GAS7: variants seen among roughly 807,000 people sequenced by gnomAD.
GAS7 encodes the protein growth arrest-specific protein 7.
A neutral mutation model predicts 71.1 loss-of-function variants in GAS7; 28 were observed. The observed-to-expected ratio is 0.39, with a 90% CI of 0.29 to 0.54. The LOEUF is 0.54. GAS7 is among the 20% of genes least tolerant of loss of function. The probability of loss-of-function intolerance (pLI) is 0.62; values close to 1 mark genes in which losing one functional copy is unlikely to be tolerated. For missense variants in GAS7, 436 were observed against 627.8 expected (o/e 0.69, Z 3.27); for synonymous variants, 258 against 245.8 (o/e 1.05, Z -0.46).
intron 2 of GAS7, among the ~76,000 whole-genome samples, chr17:9,988,248 C>T (rs1220554092): frequency 1.3e-5 from 2 of 152,302 alleles, no homozygotes; most frequent in African/African-American, 4.8e-5. Context: ...GAGGGTCTGC[C>T]TAGCTATGGC....
chr17:9,988,244 C>T (rs545460166), intron 2 of GAS7, among the ~76,000 whole-genome samples: 2 of 152,344 alleles, frequency 1.3e-5, no homozygotes, highest in East Asian at 3.9e-4. Context: ...CAAGGAGGGT[C>T]TGCCTAGCTA....
intron 2 of GAS7, among the ~76,000 whole-genome samples, chr17:10,005,318 CATAT>C (rs147127115): frequency 2.0e-5 from 3 of 150,352 alleles, no homozygotes; most frequent in South Asian, 2.1e-4. Context: ...TATACACACA[CATAT>C]ATATATACAC....
At chr17:10,063,460 A>G (rs776972117) in intron 1 of GAS7, among the ~76,000 whole-genome samples, 1 of 152,186 alleles carries the variant, frequency 6.6e-6, no homozygotes, top group Non-Finnish European at 1.5e-5. Flanking sequence ...CTCTGCTCCA[A>G]AGCAGAGAAG....
At chr17:10,115,529 A>G (rs1215783251) in intron 1 of GAS7, among the ~76,000 whole-genome samples, 1 of 152,130 alleles carries the variant, frequency 6.6e-6, no homozygotes, top group Non-Finnish European at 1.5e-5. Context: ...CCGGGGAAGC[A>G]CACCTCAGCA....
At chr17:10,165,697 A>G (rs2074288935) in intron 1 of GAS7, among the ~76,000 whole-genome samples, 1 of 152,170 alleles carries the variant, frequency 6.6e-6, no homozygotes, top group African/African-American at 2.4e-5. Flanking sequence ...TTTTTACACC[A>G]TACTTACCCC....
intron 1 of GAS7, among the ~76,000 whole-genome samples, chr17:10,088,310 G>A (rs2073544032): frequency 6.6e-6 from 1 of 151,742 alleles, no homozygotes; most frequent in Non-Finnish European, 1.5e-5. Flanking sequence ...CTCTGTTAGG[G>A]GTACCACTGG....
chr17:10,047,663 G>A (rs1451245851), intron 1 of GAS7, among the ~76,000 whole-genome samples: 1 of 151,984 alleles, frequency 6.6e-6, no homozygotes, highest in Non-Finnish European at 1.5e-5. Context: ...AAGAGGAACA[G>A]CAAATCATAA....
chr17:10,180,329 C>T (rs1470968140), intron 1 of GAS7, among the ~76,000 whole-genome samples: 2 of 85,684 alleles, frequency 2.3e-5, no homozygotes, highest in African/African-American at 9.6e-5. Flanking sequence ...AAAACTCTGC[C>T]TCAAAAAAAA....
At chr17:10,088,367 A>G (rs1020090841) in intron 1 of GAS7, among the ~76,000 whole-genome samples, 2 of 151,888 alleles carry the variant, frequency 1.3e-5, no homozygotes, top group African/African-American at 2.4e-5. Context: ...CAGGTACAAA[A>G]CCCCAGGCAG....
chr17:10,051,575 A>C (rs1237995459), intron 1 of GAS7, among the ~76,000 whole-genome samples: 2 of 152,210 alleles, frequency 1.3e-5, no homozygotes, highest in Admixed American at 6.5e-5. Context: ...CCTGCCAGTA[A>C]AACTCACAGG....
At chr17:10,013,823 T>C (rs796435769) in intron 2 of GAS7, among the ~76,000 whole-genome samples, 1 of 152,212 alleles carries the variant, frequency 6.6e-6, no homozygotes, top group Non-Finnish European at 1.5e-5. Context: ...CTGGATTCCT[T>C]GTATCTCTGA....
chr17:9,959,479 C>A lies in GAS7; in HGVS notation c.472-224G>T. The A allele has an allele frequency of 2.1e-6, 3 of 1,418,062 alleles. No homozygotes were observed. The highest frequency in any genetic ancestry group is 2.8e-6 in the Non-Finnish European group (3 of 1,088,684). The allele number at this position is 1,418,062 out of a possible 1,614,324, so 87.8% of individuals were successfully genotyped here. A position where few individuals can be genotyped will look rare whatever the true frequency, so the allele number is the denominator to read the frequency against. ...AGGCGAATTAAGGAAGCCTCCTGCA[C>A]AGGCTCTGAGAGAACTGCTCCAAAC... On this transcript the variant is annotated intron_variant, in intron 4 of 13. Coordinates refer to ENST00000432992, the MANE Select transcript of GAS7 (RefSeq NM_201433.2). The surrounding 1 kb of genome is among the most constrained non-coding windows in gnomAD (Gnocchi z 5.0).
At chr17:10,180,637 T>C (rs550370788) in intron 1 of GAS7, among the ~76,000 whole-genome samples, 7 of 152,308 alleles carry the variant, frequency 4.6e-5, no homozygotes, top group African/African-American at 1.7e-4. Flanking sequence ...TCTGAGTTAT[T>C]TGCCCTGCAG....
At chr17:9,965,654 A>G (rs936913611) in intron 4 of GAS7, among the ~76,000 whole-genome samples, 4 of 152,210 alleles carry the variant, frequency 2.6e-5, no homozygotes, top group African/African-American at 9.7e-5. Flanking sequence ...CGTTCTCCAC[A>G]TGTATCCCAG....
At chr17:10,036,660 A>G in intron 1 of GAS7, 1 of 1,426,358 alleles carries the variant, frequency 7.0e-7, no homozygotes, top group Non-Finnish European at 9.1e-7. Context: ...CAAAGAACCC[A>G]CTACATTGCA....
intron 6 of GAS7, among the ~76,000 whole-genome samples, chr17:9,946,370 C>T (rs765455934): frequency 5.5e-4 from 84 of 152,336 alleles, no homozygotes; most frequent in Admixed American, 5.2e-4. Context: ...CATCCACCTG[C>T]AAAATTGTCT....
intron 1 of GAS7, among the ~76,000 whole-genome samples, chr17:10,150,591 C>CTT (rs3051271): frequency 1.7e-5 from 2 of 118,956 alleles, no homozygotes; most frequent in Non-Finnish European, 1.6e-5. Context: ...TGTTACATTT[C>CTT]TTTTTTTTTT....
chr17:9,917,959 G>A (rs2067646492), intron 13 of GAS7, 42 bp downstream of exon 13: 1 of 1,418,614 alleles, frequency 7.0e-7, no homozygotes, highest in Non-Finnish European at 9.9e-7. Flanking sequence ...GCTCTCCCCA[G>A]GCCCCGTGTC....
At chr17:10,023,768 T>C (rs2072361015) in intron 1 of GAS7, among the ~76,000 whole-genome samples, 1 of 152,230 alleles carries the variant, frequency 6.6e-6, no homozygotes, top group Admixed American at 6.5e-5. Context: ...CACAATATCA[T>C]GAATACATAA....
Sources: gnomAD v4.1 joint callset for allele counts (sites outside exome capture counted in the v4.1 genomes callset) on GRCh38, gnomAD v4.1.1 for gene constraint, Gnocchi (gnomAD v3.1) non-coding constraint, MANE v1.5 for transcripts, NCBI Gene and HGNC (gene_info 2026-07-23, HGNC 2026-07-21) for gene names.